The following KCNC2 variants were observed in gnomAD, a reference collection of about 807,000 sequenced individuals.
The protein encoded by KCNC2 is potassium voltage-gated channel subfamily C member 2.
KCNC2 carries 21 observed loss-of-function variants against 44.5 expected under a neutral mutation model. That is an observed-to-expected ratio of 0.47 (90% CI 0.33 to 0.68). The LOEUF is 0.68. Among genes scored for constraint, KCNC2 ranks in the 30% least tolerant of loss-of-function variants. The probability of loss-of-function intolerance (pLI) is 0.01; values close to 1 mark genes in which losing one functional copy is unlikely to be tolerated. For synonymous variants in KCNC2, 391 were observed against 339.1 expected (o/e 1.15, Z -1.68); for missense variants, 589 against 826.2 (o/e 0.71, Z 3.52).
chr12:75,191,263 A>G (rs936995188), intron 2 of KCNC2, among the ~76,000 whole-genome samples: 9 of 151,876 alleles, frequency 5.9e-5, no homozygotes, highest in African/African-American at 1.9e-4. Context: ...AATCCTACGT[A>G]TGCCCTCATG....
In KCNC2 at chr12:75,207,235, AAAGTTGGGGAGGGAGTTGGGAG is replaced by A. The variant is rs2031759142; in HGVS notation, c.687+40_687+61del. ...GAGGCCCTGGGGTGGAAAAGAACAG[AAAGTTGGGGAGGGAGTTGGGAG>A]AAGTTGAAGCAGCAGGGAAGGGGTC... On this transcript the variant is annotated intron_variant, in intron 2 of 4. Transcript: ENST00000549446. The surrounding 1 kb of genome is among the most constrained non-coding windows in gnomAD (Gnocchi z 4.1). The A allele has an allele frequency of 1.3e-6, 2 of 1,499,186 alleles. No homozygotes were observed. The highest frequency in any genetic ancestry group is 1.8e-6 in the Non-Finnish European group (2 of 1,126,254). 92.9% of individuals were successfully genotyped at this position (1,499,186 alleles called of 1,614,324 possible). A position where few individuals can be genotyped will look rare whatever the true frequency, so the allele number is the denominator to read the frequency against.
chr12:75,181,528 G>A (rs10785175), intron 2 of KCNC2, among the ~76,000 whole-genome samples: 45,146 of 151,954 alleles, frequency 0.3, 6,790 homozygotes, highest in Middle Eastern at 0.41. Flanking sequence ...GTTCCCTAAT[G>A]GACAGTGTCT....
chr12:75,151,563 G>A (rs1890393238), intron 2 of KCNC2, among the ~76,000 whole-genome samples: 1 of 151,898 alleles, frequency 6.6e-6, no homozygotes, highest in African/African-American at 2.4e-5. Context: ...CATCATAAAT[G>A]AGAACCAGAA....
chr12:75,166,217 T>C (rs1321709057), intron 2 of KCNC2, among the ~76,000 whole-genome samples: 2 of 151,126 alleles, frequency 1.3e-5, no homozygotes, highest in African/African-American at 4.8e-5. Context: ...TATATAATTT[T>C]ATATATCTAG....
intron 2 of KCNC2, among the ~76,000 whole-genome samples, chr12:75,184,982 C>T (rs1223239387): frequency 6.6e-6 from 1 of 152,158 alleles, no homozygotes; most frequent in Admixed American, 6.6e-5. Context: ...TTTGTGGACA[C>T]ATGAATGCAG....
chr12:75,073,060 A>G (rs971583967), intron 2 of KCNC2, among the ~76,000 whole-genome samples: 2 of 152,172 alleles, frequency 1.3e-5, no homozygotes, highest in African/African-American at 2.4e-5. Context: ...TGCAGAACTC[A>G]TTCCCAGGCT....
At chr12:75,206,607 A>C (rs530453938) in intron 2 of KCNC2, among the ~76,000 whole-genome samples, 1 of 152,342 alleles carries the variant, frequency 6.6e-6, no homozygotes, top group South Asian at 2.1e-4. Context: ...GATCAGAGAT[A>C]CAGCCCTAAG....
rs1344696377 is a variant in KCNC2, at chr12:75,182,490, T to C, written c.687+24807A>G. Among the ~76,000 whole-genome samples the C allele has an allele frequency of 3.0e-4, 39 of 129,066 alleles. 1 individual carries two copies. The highest frequency in any genetic ancestry group is 8.9e-4 in the East Asian group (4 of 4,512). The allele number at this position is 129,066 out of a possible 152,430, so 84.7% of individuals were successfully genotyped here. A position where few individuals can be genotyped will look rare whatever the true frequency, so the allele number is the denominator to read the frequency against. ...GAGCCCAGATCGCGCCACTGCACTC[T>C]AGCCTGGGCGACAGAGCGAGATTCC... On this transcript the variant is annotated intron_variant, in intron 2 of 4. Coordinates refer to ENST00000549446, the MANE Select transcript of KCNC2 (RefSeq NM_139137.4).
intron 2 of KCNC2, among the ~76,000 whole-genome samples, chr12:75,206,956 G>A (rs771240986): frequency 6.6e-6 from 1 of 152,204 alleles, no homozygotes; most frequent in Non-Finnish European, 1.5e-5. Flanking sequence ...TTAGAACAAA[G>A]GAGTGAGGGA....
chr12:75,208,600 G>T (rs1268705542), intron 1 of KCNC2, among the ~76,000 whole-genome samples: 2 of 127,634 alleles, frequency 1.6e-5, no homozygotes, highest in African/African-American at 3.1e-5. Flanking sequence ...TGAAGAGCCC[G>T]GATTCCACAC....
intron 2 of KCNC2, among the ~76,000 whole-genome samples, chr12:75,140,707 A>AT (rs1469278150): frequency 1.3e-5 from 2 of 151,488 alleles, no homozygotes; most frequent in African/African-American, 4.9e-5. Context: ...TGACCAAAAA[A>AT]GAAAAAAAAA....
At chr12:75,170,151 A>G (rs1670372540) in intron 2 of KCNC2, among the ~76,000 whole-genome samples, 1 of 151,774 alleles carries the variant, frequency 6.6e-6, no homozygotes, top group Non-Finnish European at 1.5e-5. Flanking sequence ...ATATAACAAA[A>G]AAGTAGATGA....
rs1357266418 is a variant in KCNC2, at chr12:75,116,327, G to A, written c.688-65010C>T. The stretch of plus-strand genomic sequence containing the variant: ...CTCTGCCTCAAAGAGAATATCAGAA[G>A]AAAATGTACTCTTAGTGATATTGTT... On this transcript the variant is annotated intron_variant, in intron 2 of 4. Transcript: ENST00000549446. 2.0e-5 allele frequency among the ~76,000 whole-genome samples: 3 copies of A among 151,998 alleles called. No individual in the cohort carries two copies. In the East Asian group the frequency reaches 5.8e-4, roughly 29 times the overall value.
At chr12:75,199,128 G>A (rs989568754) in intron 2 of KCNC2, among the ~76,000 whole-genome samples, 2 of 151,774 alleles carry the variant, frequency 1.3e-5, no homozygotes, top group African/African-American at 4.8e-5. Flanking sequence ...CAACTCAAAG[G>A]AAAACACCTT....
chr12:75,181,059 C>T (rs550598740), intron 2 of KCNC2, among the ~76,000 whole-genome samples: 91 of 152,156 alleles, frequency 6.0e-4, no homozygotes, highest in African/African-American at 2.1e-3. Flanking sequence ...AAGAGAGTCT[C>T]AATGGACAAT....
intron 2 of KCNC2, among the ~76,000 whole-genome samples, chr12:75,142,651 G>A (rs907398106): frequency 1.1e-4 from 16 of 152,196 alleles, no homozygotes; most frequent in Non-Finnish European, 2.2e-4. Flanking sequence ...TTGAAGATAG[G>A]TTTAGATTGT....
intron 2 of KCNC2, among the ~76,000 whole-genome samples, chr12:75,133,377 C>T (rs1289556513): frequency 6.6e-6 from 1 of 150,940 alleles, no homozygotes; most frequent in East Asian, 1.9e-4. Flanking sequence ...CAATGTATCA[C>T]ATATATCCCG....
intron 2 of KCNC2, among the ~76,000 whole-genome samples, chr12:75,189,893 T>G (rs1233843462): frequency 6.6e-6 from 1 of 152,214 alleles, no homozygotes; most frequent in African/African-American, 2.4e-5. Context: ...GTGGATTTTC[T>G]ACCTATGAGT....
chr12:75,057,167 A>G (rs953246527), intron 2 of KCNC2, among the ~76,000 whole-genome samples: 6 of 152,052 alleles, frequency 3.9e-5, no homozygotes, highest in African/African-American at 7.2e-5. Flanking sequence ...TGATTTTATT[A>G]ACCCATAGAA....
Sources: gnomAD v4.1 joint callset for allele counts (sites outside exome capture counted in the v4.1 genomes callset) on GRCh38, gnomAD v4.1.1 for gene constraint, Gnocchi (gnomAD v3.1) non-coding constraint, MANE v1.5 for transcripts, NCBI Gene and HGNC (gene_info 2026-07-23, HGNC 2026-07-21) for gene names.